Variants in NTM observed in about 807,000 individuals in gnomAD.
NTM encodes the protein IgLON family member 2.
Under a neutral mutation model 42.1 loss-of-function variants are expected in NTM, and 13 were observed. The ratio of observed to expected loss-of-function variants is 0.31; its 90% confidence interval spans 0.20 to 0.49. The LOEUF (loss-of-function observed/expected upper bound fraction) is 0.49. NTM is among the 20% of genes least tolerant of loss of function. The pLI, the probability that NTM is intolerant of heterozygous loss-of-function variation, is 0.99. For missense variants in NTM, 373 were observed against 452.8 expected (o/e 0.82, Z 1.60); for synonymous variants, 187 against 179.2 (o/e 1.04, Z -0.35).
At chr11:132,100,033 C>A (rs1410622254) in intron 2 of NTM, among the ~76,000 whole-genome samples, 4 of 152,110 alleles carry the variant, frequency 2.6e-5, no homozygotes, top group Admixed American at 2.6e-4. Context: ...GGACTAAAAT[C>A]GTGAACAAAA....
intron 1 of NTM, among the ~76,000 whole-genome samples, chr11:131,443,791 C>T (rs1203448732): frequency 6.6e-6 from 1 of 152,158 alleles, no homozygotes; most frequent in Non-Finnish European, 1.5e-5. Context: ...TTGGTGAATG[C>T]CAACTTCCAT....
chr11:132,014,733 C>A, intron 2 of NTM, among the ~76,000 whole-genome samples: 1 of 63,312 alleles, frequency 1.6e-5, no homozygotes, highest in East Asian at 8.0e-4. Context: ...AAGAGAATTA[C>A]TTGTTTTTTT....
At chr11:131,714,408 C>T (rs1015722324) in intron 1 of NTM, among the ~76,000 whole-genome samples, 2 of 152,088 alleles carry the variant, frequency 1.3e-5, no homozygotes, top group African/African-American at 4.8e-5. Context: ...CCAGGCTCGT[C>T]TTGAACTCCT....
At chr11:131,558,458 A>AATCCTCCTGGTTTTATGATTTCTT (rs2055756429) in intron 1 of NTM, among the ~76,000 whole-genome samples, 12 of 152,062 alleles carry the variant, frequency 7.9e-5, no homozygotes, top group Non-Finnish European at 1.8e-4. Flanking sequence ...TATGATTTCT[A>AATCCTCCTGGTTTTATGATTTCTT]ATCCTCCTGG....
At chr11:131,573,261 A>G (rs2057623670) in intron 1 of NTM, among the ~76,000 whole-genome samples, 1 of 152,076 alleles carries the variant, frequency 6.6e-6, no homozygotes. Flanking sequence ...TGGGGTTTAC[A>G]TTTTGGCTCT....
At chr11:131,554,430 C>T (rs1004905516) in intron 1 of NTM, among the ~76,000 whole-genome samples, 1 of 151,398 alleles carries the variant, frequency 6.6e-6, no homozygotes, top group African/African-American at 2.4e-5. Flanking sequence ...AGACTTTTGG[C>T]AGGAAAAATT....
At chr11:131,954,843 C>T (rs1209802304) in intron 2 of NTM, among the ~76,000 whole-genome samples, 2 of 152,158 alleles carry the variant, frequency 1.3e-5, no homozygotes, top group African/African-American at 2.4e-5. Flanking sequence ...GTTACCTACT[C>T]ATATAACTTA....
chr11:131,447,540 G>T (rs574622820), intron 1 of NTM, among the ~76,000 whole-genome samples: 1 of 152,130 alleles, frequency 6.6e-6, no homozygotes, highest in Non-Finnish European at 1.5e-5. Flanking sequence ...CTCTAGCACC[G>T]GCAGCTCTCG....
At chr11:131,822,135 C>T (rs1041830271) in intron 1 of NTM, among the ~76,000 whole-genome samples, 2 of 129,264 alleles carry the variant, frequency 1.5e-5, no homozygotes, top group Non-Finnish European at 2.9e-5. Context: ...GCTATGTTGT[C>T]TTCTTCTTAG....
chr11:132,029,567 G>T (rs762333647), intron 2 of NTM, among the ~76,000 whole-genome samples: 4 of 152,162 alleles, frequency 2.6e-5, no homozygotes, highest in African/African-American at 7.2e-5. Context: ...GATGACTCCA[G>T]CCTGTTTAGG....
intron 3 of NTM, among the ~76,000 whole-genome samples, chr11:132,194,838 T>C (rs1458629371): frequency 7.1e-5 from 10 of 140,044 alleles, no homozygotes; most frequent in Non-Finnish European, 4.5e-5. Context: ...TTTTTTTTTT[T>C]CTGAGACAGG....
chr11:131,614,661 C>G (rs1478420793), intron 1 of NTM, among the ~76,000 whole-genome samples: 1 of 152,232 alleles, frequency 6.6e-6, no homozygotes, highest in Admixed American at 6.5e-5. Flanking sequence ...GCCATCGTCA[C>G]TGCTTTGTCA....
intron 1 of NTM, among the ~76,000 whole-genome samples, chr11:131,584,720 T>C (rs2458763): frequency 4.0e-5 from 6 of 151,808 alleles, no homozygotes; most frequent in Admixed American, 3.9e-4. Flanking sequence ...GATTACAGCC[T>C]GTGTCAATCA....
chr11:131,730,273 T>C (rs369317829), intron 1 of NTM, among the ~76,000 whole-genome samples: 2 of 152,328 alleles, frequency 1.3e-5, no homozygotes, highest in East Asian at 3.9e-4. Context: ...GAGATTGAGA[T>C]AGCAGACTTA....
At chr11:131,929,666 G>A (rs1450987634) in intron 2 of NTM, among the ~76,000 whole-genome samples, 1 of 152,058 alleles carries the variant, frequency 6.6e-6, no homozygotes. Flanking sequence ...GCTCATTTCT[G>A]CAGACTTCCT....
chr11:131,467,304 C>G (rs564025037), intron 1 of NTM, among the ~76,000 whole-genome samples: 1 of 152,298 alleles, frequency 6.6e-6, no homozygotes, highest in African/African-American at 2.4e-5. Context: ...CCTTGCCTGT[C>G]TGCATTTCCA....
chr11:131,924,723 A>T (rs66918879), intron 2 of NTM, among the ~76,000 whole-genome samples: 14,453 of 152,236 alleles, frequency 0.095, 745 homozygotes, highest in South Asian at 0.14. Context: ...CCCACCCACC[A>T]GCTGGCCAGG....
At chr11:132,080,450 C>T (rs529185707) in intron 2 of NTM, among the ~76,000 whole-genome samples, 29 of 152,290 alleles carry the variant, frequency 1.9e-4, no homozygotes, top group Admixed American at 1.3e-3. Context: ...CCAGCAGCCA[C>T]GGGTAGACAG....
In NTM at chr11:132,265,435, C is replaced by A. The variant is rs78824655; in HGVS notation, c.527-42254C>A. On this transcript the variant is annotated intron_variant, in intron 4 of 8. Coordinates refer to ENST00000683400, the MANE Select transcript of NTM (RefSeq NM_001352005.2). ...TTCATTTCTGGTCCAGAGGAGACAT[C>A]AAATCTTTTCTGAATTCGTTCACCA... Among the ~76,000 whole-genome samples, 1,399 of 152,256 alleles carry A rather than the reference C, an allele frequency of 9.2e-3. 17 individuals are homozygous for A. Among genetic ancestry groups the A allele is most frequent in the African/African-American group, 0.032 (1,314 of 41,544 alleles).
Sources: allele counts gnomAD v4.1 joint callset (sites outside exome capture counted in the v4.1 genomes callset), GRCh38; gene constraint gnomAD v4.1.1; transcripts MANE v1.5; gene names NCBI Gene and HGNC (gene_info 2026-07-23, HGNC 2026-07-21).